Variants in VIT observed in about 807,000 individuals in gnomAD.
The protein encoded by VIT is vitrin.
In VIT, 99 loss-of-function variants were observed where a neutral mutation model predicts 78.0. That is an observed-to-expected ratio of 1.27 (90% CI 1.08 to 1.50). The LOEUF is 1.50. Among genes scored for constraint, VIT ranks in the 40% most tolerant of loss-of-function variants. VIT has a pLI of 0.00. For synonymous variants in VIT, 374 were observed against 334.3 expected (o/e 1.12, Z -1.29); for missense variants, 1,126 against 875.3 (o/e 1.29, Z -3.61).
intron 2 of VIT, among the ~76,000 whole-genome samples, chr2:36,719,256 G>T (rs187717235): frequency 1.5e-3 from 236 of 152,274 alleles, no homozygotes; most frequent in Admixed American, 4.2e-3. Flanking sequence ...AAACCTAAAA[G>T]CTTTTCCTCT....
intron 3 of VIT, among the ~76,000 whole-genome samples, chr2:36,742,193 A>C (rs13006813): frequency 0.68 from 103,215 of 152,044 alleles, 39,939 homozygotes; most frequent in Non-Finnish European, 0.89. Context: ...GTTATTGAGG[A>C]AAAATCTTTG....
chr2:36,719,573 T>C (rs1471535189), intron 2 of VIT, among the ~76,000 whole-genome samples: 1 of 105,846 alleles, frequency 9.4e-6, no homozygotes, highest in African/African-American at 3.2e-5. Context: ...TCATTTACGA[T>C]AGTATCAAAA....
At position 36,755,170 on chromosome 2, in the gene VIT, A is replaced by G. The variant is rs1668689932; in HGVS notation, c.409+116A>G. The G allele has an allele frequency of 9.2e-6, 11 of 1,199,426 alleles. No individual in the cohort carries two copies. The East Asian group carries it at 3.0e-4, about 33-fold the overall frequency. The allele number at this position is 1,199,426 out of a possible 1,614,324, so 74.3% of individuals were successfully genotyped here. On this transcript the variant is annotated intron_variant, in intron 5 of 15. Transcript: ENST00000379242. ...ACCTCATTTCATAAAAATCTGAAGC[A>G]TTCGTTTTTCTGATAATTAGAATCA...
intron 5 of VIT, among the ~76,000 whole-genome samples, chr2:36,758,293 T>C (rs866453723): frequency 5.3e-5 from 8 of 152,090 alleles, no homozygotes; most frequent in South Asian, 2.1e-4. Context: ...TTCAGGGGGC[T>C]TACTGTATTC....
chr2:36,810,588 A>G (rs1342367074), intron 15 of VIT, among the ~76,000 whole-genome samples: 1 of 152,032 alleles, frequency 6.6e-6, no homozygotes, highest in Non-Finnish European at 1.5e-5. Context: ...GAATATACAC[A>G]ACTCACTCAG....
chr2:36,721,003 T>A (rs1243238919), intron 2 of VIT, among the ~76,000 whole-genome samples: 1 of 141,622 alleles, frequency 7.1e-6, no homozygotes, highest in East Asian at 2.3e-4. Context: ...ACAGCGAGAC[T>A]CCATCTCAAA....
At chr2:36,744,857 T>C (rs1379602311) in intron 4 of VIT, among the ~76,000 whole-genome samples, 1 of 152,222 alleles carries the variant, frequency 6.6e-6, no homozygotes, top group African/African-American at 2.4e-5. Flanking sequence ...TTGTTGCAAT[T>C]GCTTTTGAGG....
At chr2:36,806,782 C>G (rs1216540093) in intron 14 of VIT, among the ~76,000 whole-genome samples, 1 of 152,108 alleles carries the variant, frequency 6.6e-6, no homozygotes, top group Non-Finnish European at 1.5e-5. Context: ...CCAGGATGGT[C>G]TCGATCTCCT....
chr2:36,766,903 T>C lies in VIT; in HGVS notation c.488-191T>C, dbSNP rs144892398. On this transcript the variant is annotated intron_variant, in intron 6 of 15. Transcript: ENST00000379242. ...TTATTGCTATTGAATCTTTGGTTGA[T>C]TGAGTGATTGCTCTGAGAGCATACA... 4.5e-3 allele frequency among the ~76,000 whole-genome samples: 680 copies of C among 152,382 alleles called. 6 individuals carry two copies. Among genetic ancestry groups the C allele is most frequent in the African/African-American group, 0.014 (585 of 41,600 alleles).
intron 1 of VIT, among the ~76,000 whole-genome samples, chr2:36,703,055 G>T (rs1359745993): frequency 6.6e-6 from 1 of 152,124 alleles, no homozygotes; most frequent in Non-Finnish European, 1.5e-5. Context: ...CTCCTGTAGA[G>T]GACTTAATCA....
intron 2 of VIT, 39 bp downstream of exon 2, chr2:36,716,461 A>G: frequency 6.2e-7 from 1 of 1,601,128 alleles, no homozygotes. Context: ...ACCCTTTTAA[A>G]ATTTTCCTAA....
intron 12 of VIT, among the ~76,000 whole-genome samples, chr2:36,795,187 C>T (rs1665784206): frequency 6.6e-6 from 1 of 152,038 alleles, no homozygotes; most frequent in Admixed American, 6.6e-5. Context: ...TGCAAATTTG[C>T]CTACTCCTTA....
intron 12 of VIT, among the ~76,000 whole-genome samples, chr2:36,791,488 G>A (rs149768718): frequency 8.3e-4 from 127 of 152,358 alleles, no homozygotes; most frequent in African/African-American, 2.9e-3. Context: ...TTGCAGATGT[G>A]ATTAAAGTTA....
At chr2:36,794,488 G>A (rs1036293593) in intron 12 of VIT, among the ~76,000 whole-genome samples, 6 of 152,090 alleles carry the variant, frequency 3.9e-5, no homozygotes, top group Non-Finnish European at 7.3e-5. Context: ...TATGTATCTC[G>A]GAAAAGGACA....
intron 9 of VIT, among the ~76,000 whole-genome samples, chr2:36,775,930 C>T (rs868765436): frequency 1.8e-4 from 28 of 152,298 alleles, no homozygotes; most frequent in Middle Eastern, 3.4e-3. Flanking sequence ...AGATATCCTT[C>T]GACCAACTCT....
intron 6 of VIT, among the ~76,000 whole-genome samples, chr2:36,763,676 G>A (rs112658573): frequency 0.017 from 2,195 of 131,710 alleles, 27 homozygotes; most frequent in Non-Finnish European, 0.021. Flanking sequence ...CACAACCTCC[G>A]CCTCCCGGGT....
chr2:36,750,598 G>T (rs751965131), intron 4 of VIT, among the ~76,000 whole-genome samples: 1 of 151,566 alleles, frequency 6.6e-6, no homozygotes, highest in Non-Finnish European at 1.5e-5. Flanking sequence ...CAAGATGGGC[G>T]TATCACGAGG....
chr2:36,727,311 C>G (rs1014762301), intron 2 of VIT, among the ~76,000 whole-genome samples: 2 of 152,128 alleles, frequency 1.3e-5, no homozygotes, highest in African/African-American at 4.8e-5. Flanking sequence ...TGGGTGCACA[C>G]AATAGGTGCA....
intron 10 of VIT, among the ~76,000 whole-genome samples, chr2:36,782,632 TTTA>T (rs1406091030): frequency 6.6e-6 from 1 of 152,104 alleles, no homozygotes; most frequent in Non-Finnish European, 1.5e-5. Flanking sequence ...AGGATTCGCT[TTTA>T]TTGTCTTTAT....
Sources: gnomAD v4.1 joint callset for allele counts (sites outside exome capture counted in the v4.1 genomes callset) on GRCh38, gnomAD v4.1.1 for gene constraint, MANE v1.5 for transcripts, NCBI Gene and HGNC (gene_info 2026-07-23, HGNC 2026-07-21) for gene names.